FOXP2: variants seen among roughly 807,000 people sequenced by gnomAD.
The protein encoded by FOXP2 is forkhead box P2.
Under a neutral mutation model 115.8 loss-of-function variants are expected in FOXP2, and 12 were observed. That is an observed-to-expected ratio of 0.10 (90% CI 0.07 to 0.17). The LOEUF (loss-of-function observed/expected upper bound fraction) is 0.17, where lower values mean the gene tolerates loss of function less well. Ranked by LOEUF, FOXP2 falls within the 10% of genes least tolerant of loss-of-function variation. FOXP2 has a pLI of 1.00. For synonymous variants in FOXP2, 328 were observed against 297.7 expected, an observed-to-expected ratio of 1.10 and a Z score of -1.05; for missense variants, 629 against 843.5, an observed-to-expected ratio of 0.75 and a Z score of 3.15.
intron 2 of FOXP2, among the ~76,000 whole-genome samples, chr7:114,308,429 G>A (rs1309811917): frequency 6.6e-6 from 1 of 152,004 alleles, no homozygotes; most frequent in Non-Finnish European, 1.5e-5. Context: ...ATCTAGAAAC[G>A]GTCAGAGTAG....
At chr7:114,565,246 T>C (rs1239715987) in intron 3 of FOXP2, among the ~76,000 whole-genome samples, 1 of 152,174 alleles carries the variant, frequency 6.6e-6, no homozygotes, top group Admixed American at 6.5e-5. Context: ...ACTTTTTTTA[T>C]TTTCCAATCT....
chr7:114,613,127 G>A (rs1256340786), intron 3 of FOXP2, among the ~76,000 whole-genome samples: 1 of 152,110 alleles, frequency 6.6e-6, no homozygotes, highest in Non-Finnish European at 1.5e-5. Context: ...TTTAAAAGCT[G>A]TGAATTATTT....
intron 2 of FOXP2, among the ~76,000 whole-genome samples, chr7:114,366,905 G>A (rs1387012150): frequency 1.3e-5 from 2 of 151,878 alleles, no homozygotes; most frequent in East Asian, 1.9e-4. Flanking sequence ...AGCCTTTAAA[G>A]CATTATTAGC....
At chr7:114,663,952 T>C (rs960039656) in intron 15 of FOXP2, among the ~76,000 whole-genome samples, 1 of 152,168 alleles carries the variant, frequency 6.6e-6, no homozygotes, top group African/African-American at 2.4e-5. Flanking sequence ...TTCTGGTCAT[T>C]TTTAAAAAGC....
intron 1 of FOXP2, among the ~76,000 whole-genome samples, chr7:114,095,459 T>C (rs77447316): frequency 6.6e-6 from 1 of 152,000 alleles, no homozygotes; most frequent in African/African-American, 2.4e-5. Context: ...TAAAGGGTTT[T>C]TTTTTTTCAG....
At chr7:114,314,231 A>G (rs1404286096) in intron 2 of FOXP2, among the ~76,000 whole-genome samples, 1 of 149,492 alleles carries the variant, frequency 6.7e-6, no homozygotes, top group Non-Finnish European at 1.5e-5. Flanking sequence ...TTTATATAAT[A>G]TGATAATTTA....
intron 1 of FOXP2, among the ~76,000 whole-genome samples, chr7:114,109,873 A>G (rs1440603095): frequency 6.6e-6 from 1 of 152,132 alleles, no homozygotes; most frequent in African/African-American, 2.4e-5. Flanking sequence ...GAGAGCTTTA[A>G]GAATTTAGGA....
At chr7:114,604,942 A>T (rs1803231539) in intron 3 of FOXP2, among the ~76,000 whole-genome samples, 1 of 152,214 alleles carries the variant, frequency 6.6e-6, no homozygotes. Flanking sequence ...CTATTCTTTC[A>T]CATATCTTGA....
At chr7:114,569,991 A>C (rs1465187238) in intron 3 of FOXP2, among the ~76,000 whole-genome samples, 1 of 151,938 alleles carries the variant, frequency 6.6e-6, no homozygotes, top group Non-Finnish European at 1.5e-5. Flanking sequence ...TCATCCTTTC[A>C]TATCATACAT....
intron 2 of FOXP2, among the ~76,000 whole-genome samples, chr7:114,441,769 A>G (rs2129212735): frequency 6.6e-6 from 1 of 152,346 alleles, no homozygotes; most frequent in South Asian, 2.1e-4. Flanking sequence ...GTTCCACTTC[A>G]TTAGTCATTA....
At chr7:114,176,298 T>TTCTTTCTCTCTCTCTCTCTCTCTC (rs368923204) in intron 1 of FOXP2, among the ~76,000 whole-genome samples, 34 of 76,568 alleles carry the variant, frequency 4.4e-4, no homozygotes, top group African/African-American at 1.8e-3. Flanking sequence ...CTTTCTTTCT[T>TTCTTTCTCTCTCTCTCTCTCTCTC]TCTCTCTCTC....
intron 2 of FOXP2, among the ~76,000 whole-genome samples, chr7:114,529,041 G>A (rs540893831): frequency 6.6e-6 from 1 of 151,746 alleles, no homozygotes; most frequent in South Asian, 2.1e-4. Context: ...AATTATTGTA[G>A]GTAATATTAG....
intron 2 of FOXP2, among the ~76,000 whole-genome samples, chr7:114,291,296 T>A (rs1796582780): frequency 6.6e-6 from 1 of 152,086 alleles, no homozygotes; most frequent in South Asian, 2.1e-4. Context: ...AGGGCACTAA[T>A]CACATTCATG....
chr7:114,194,602 T>C (rs1437073084), intron 1 of FOXP2, among the ~76,000 whole-genome samples: 1 of 152,142 alleles, frequency 6.6e-6, no homozygotes, highest in Non-Finnish European at 1.5e-5. Flanking sequence ...GCATGGATAC[T>C]TAAAGCTTTA....
intron 2 of FOXP2, among the ~76,000 whole-genome samples, chr7:114,483,710 G>A (rs1796652389): frequency 6.6e-6 from 1 of 151,596 alleles, no homozygotes; most frequent in Admixed American, 6.6e-5. Flanking sequence ...ACTCTATAAA[G>A]TCTTTGACAT....
At chr7:114,443,430 A>C (rs769606533) in intron 2 of FOXP2, among the ~76,000 whole-genome samples, 7 of 151,906 alleles carry the variant, frequency 4.6e-5, no homozygotes, top group African/African-American at 1.2e-4. Context: ...TTTTTTTTTA[A>C]AGTTTTATTT....
At chr7:114,417,517 T>G (rs1793402459) in intron 1 of FOXP2, among the ~76,000 whole-genome samples, 1 of 152,008 alleles carries the variant, frequency 6.6e-6, no homozygotes, top group African/African-American at 2.4e-5. Flanking sequence ...AGTCCTGTAA[T>G]GATGATGCTG....
At chr7:114,257,714 A>T (rs958066362) in intron 1 of FOXP2, among the ~76,000 whole-genome samples, 3 of 151,982 alleles carry the variant, frequency 2.0e-5, no homozygotes, top group African/African-American at 7.2e-5. Flanking sequence ...CGGCCTCCCA[A>T]AGTGCTTGGA....
chr7:114,266,254 C>T lies in FOXP2; in HGVS notation c.-101-21765C>T, dbSNP rs550977397. On this transcript the variant is annotated intron_variant, in intron 1 of 17. Transcript: ENST00000634411. ...TTCCTATTACCCAGTTCCAAAGTCA[C>T]CTCCACATTTTCAGGTATTTTTATA... 4.7e-4 allele frequency among the ~76,000 whole-genome samples: 71 copies of T among 152,298 alleles called. 1 individual carries two copies. The South Asian group carries it at 0.015, about 31-fold the overall frequency.
Sources: gnomAD v4.1 joint callset for allele counts (sites outside exome capture counted in the v4.1 genomes callset) on GRCh38, gnomAD v4.1.1 for gene constraint, MANE v1.5 for transcripts, NCBI Gene and HGNC (gene_info 2026-07-23, HGNC 2026-07-21) for gene names.